Variants in PRKAG2 observed in about 807,000 individuals in gnomAD.
PRKAG2 encodes the protein protein kinase AMP-activated non-catalytic subunit gamma 2.
PRKAG2 carries 26 observed loss-of-function variants against 69.6 expected under a neutral mutation model. The ratio of observed to expected loss-of-function variants is 0.37; its 90% CI spans 0.27 to 0.52. The LOEUF is 0.52. Ranked by LOEUF, PRKAG2 falls within the 20% of genes least tolerant of loss-of-function variation. The pLI is 0.90. For synonymous variants in PRKAG2, 293 were observed against 285.0 expected, an observed-to-expected ratio of 1.03 and a Z score of -0.28; for missense variants, 557 against 740.0, an observed-to-expected ratio of 0.75 and a Z score of 2.87.
At chr7:151,565,428 A>G in intron 12 of PRKAG2, 45 bp from the exon 13 acceptor site, 1 of 1,241,436 alleles carries the variant, frequency 8.1e-7, no homozygotes, top group Non-Finnish European at 1.1e-6. Flanking sequence ...TAAGGGACAA[A>G]AAGAAATTCA....
intron 3 of PRKAG2, among the ~76,000 whole-genome samples, chr7:151,737,582 G>A (rs1462230878): frequency 2.0e-5 from 3 of 152,272 alleles, no homozygotes; most frequent in East Asian, 1.9e-4. Flanking sequence ...CGGCTCGTCC[G>A]AAAACAAGGG....
At chr7:151,870,697 G>A (rs550654596) in intron 1 of PRKAG2, among the ~76,000 whole-genome samples, 180 of 152,328 alleles carry the variant, frequency 1.2e-3, no homozygotes, top group Non-Finnish European at 2.0e-3. Context: ...CATTCCAGCC[G>A]GATAGAGGCT....
intron 1 of PRKAG2, among the ~76,000 whole-genome samples, chr7:151,826,871 C>T (rs747659678): frequency 3.9e-5 from 6 of 152,174 alleles, no homozygotes; most frequent in African/African-American, 7.2e-5. Flanking sequence ...CTTGTTTATT[C>T]ACCCAACAGA....
At chr7:151,626,379 A>G (rs79937579) in intron 5 of PRKAG2, among the ~76,000 whole-genome samples, 13,190 of 152,272 alleles carry the variant, frequency 0.087, 762 homozygotes, top group Middle Eastern at 0.15. Flanking sequence ...AGAATAGGGC[A>G]ATATGTTACA....
chr7:151,817,362 C>T (rs568774178), intron 1 of PRKAG2, among the ~76,000 whole-genome samples: 26 of 152,330 alleles, frequency 1.7e-4, no homozygotes, highest in African/African-American at 6.0e-4. Flanking sequence ...CTCTGTTTTT[C>T]AGGCATTACT....
At chr7:151,767,415 C>T (rs898009922) in intron 3 of PRKAG2, among the ~76,000 whole-genome samples, 5 of 152,204 alleles carry the variant, frequency 3.3e-5, no homozygotes, top group African/African-American at 1.2e-4. Flanking sequence ...CTCAGCCTCC[C>T]GAGTAACTGG....
chr7:151,631,661 A>AT (rs1824449443), intron 5 of PRKAG2: 2 of 456,818 alleles, frequency 4.4e-6, no homozygotes, highest in Admixed American at 2.3e-5. Flanking sequence ...ACAGGCGCAG[A>AT]TAAGGGCACC....
intron 4 of PRKAG2, among the ~76,000 whole-genome samples, chr7:151,671,812 A>G (rs1832085385): frequency 6.6e-6 from 1 of 152,230 alleles, no homozygotes; most frequent in Non-Finnish European, 1.5e-5. Flanking sequence ...GAAACTTACA[A>G]GTGGGGTGAG....
intron 3 of PRKAG2, among the ~76,000 whole-genome samples, chr7:151,770,315 AT>A (rs1232245313): frequency 8.5e-5 from 13 of 152,204 alleles, no homozygotes; most frequent in African/African-American, 2.9e-4. Flanking sequence ...ACTGTAATCC[AT>A]TTAAAGGTTA....
chr7:151,575,050 A>C, intron 7 of PRKAG2, 101 bp from the exon 8 acceptor site: 1 of 1,477,382 alleles, frequency 6.8e-7, no homozygotes, highest in Non-Finnish European at 9.1e-7. Flanking sequence ...GAGCTTATAA[A>C]ATATACTTCG....
chr7:151,654,120 A>T (rs1302643896), intron 4 of PRKAG2, among the ~76,000 whole-genome samples: 1 of 152,184 alleles, frequency 6.6e-6, no homozygotes, highest in Admixed American at 6.5e-5. Context: ...TTTTGGACAG[A>T]CAAACCCATC....
intron 6 of PRKAG2, among the ~76,000 whole-genome samples, chr7:151,592,468 C>G (rs889221293): frequency 6.6e-6 from 1 of 152,234 alleles, no homozygotes; most frequent in East Asian, 1.9e-4. Context: ...AAGCCAAGCC[C>G]GAGACTGCTC....
intron 4 of PRKAG2, among the ~76,000 whole-genome samples, chr7:151,634,748 T>C (rs1825432325): frequency 6.6e-6 from 1 of 152,016 alleles, no homozygotes; most frequent in South Asian, 2.1e-4. Context: ...GATGGCAAAT[T>C]AGTGCATGAA....
In PRKAG2 at chr7:151,816,975, T is replaced by C. The variant is rs72617366; in HGVS notation, c.115-30434A>G. Among the ~76,000 whole-genome samples, 3,015 of 152,288 alleles carry C rather than the reference T, an allele frequency of 0.02. 469 individuals carry two copies. In the East Asian group the frequency reaches 0.42, roughly 21 times the overall value. ...GAGAGTGACTTATGGGGTGTGATGA[T>C]GCTGTAGTTCTCACGGCAGCAATTC... On this transcript the variant is annotated intron_variant, in intron 1 of 15. Coordinates refer to ENST00000287878, the MANE Select transcript of PRKAG2 (RefSeq NM_016203.4).
chr7:151,827,821 T>C (rs1320322699), intron 1 of PRKAG2, among the ~76,000 whole-genome samples: 1 of 138,462 alleles, frequency 7.2e-6, no homozygotes, highest in Non-Finnish European at 1.5e-5. Flanking sequence ...TGCCAGAGCC[T>C]ACGTGCCTCC....
intron 6 of PRKAG2, among the ~76,000 whole-genome samples, 194 bp from the exon 7 acceptor site, chr7:151,576,646 A>T (rs1809013709): frequency 6.6e-6 from 1 of 152,102 alleles, no homozygotes; most frequent in Non-Finnish European, 1.5e-5. Context: ...GATGACAGGC[A>T]TGTGCCACCA....
chr7:151,704,667 G>T (rs574538041), intron 3 of PRKAG2, among the ~76,000 whole-genome samples: 2 of 152,302 alleles, frequency 1.3e-5, no homozygotes, highest in South Asian at 4.1e-4. Flanking sequence ...AGAGAGATGA[G>T]GAAAGGGGAG....
Position 151,564,127 on chromosome 7 carries a change from T to A in PRKAG2, c.1535A>T (p.Asn512Ile), listed in dbSNP as rs766113743. Residue 512 changes from asparagine to isoleucine, a missense_variant, in exon 14 of 16, where the codon AAT becomes ATT. Physicochemically the swap from Asn to Ile is moderately radical, Grantham distance 149. Coordinates refer to ENST00000287878, the MANE Select transcript of PRKAG2 (RefSeq NM_016203.4). ...SQYFEGVVKC[N>I]KLEILETIVD... ...GATGGTCTCCAGTATTTCCAGCTTA[T>A]TGCACTTCACAACACCTTCAAAATA... The A allele has an allele frequency of 4.3e-6, 7 of 1,614,172 alleles. No homozygotes were observed. Among genetic ancestry groups the A allele is most frequent in the Non-Finnish European group, 5.9e-6 (7 of 1,180,028 alleles).
chr7:151,680,319 G>T (rs1833661709), intron 3 of PRKAG2, among the ~76,000 whole-genome samples: 1 of 152,176 alleles, frequency 6.6e-6, no homozygotes, highest in South Asian at 2.1e-4. Context: ...TCGTCAAGAA[G>T]AGGTTAGATA....
Sources: gnomAD v4.1 joint callset for allele counts (sites outside exome capture counted in the v4.1 genomes callset) on GRCh38, gnomAD v4.1.1 for gene constraint, MANE v1.5 for transcripts, NCBI Gene and HGNC (gene_info 2026-07-23, HGNC 2026-07-21) for gene names.